PCDH15: variants seen among roughly 807,000 people sequenced by gnomAD.
PCDH15 encodes protocadherin-15.
Under a neutral mutation model 178.5 loss-of-function variants are expected in PCDH15, and 129 were observed. That is an observed-to-expected ratio of 0.72 (90% confidence interval 0.63 to 0.84). PCDH15 has a LOEUF of 0.84. Among genes scored for constraint, PCDH15 ranks in the 40% least tolerant of loss-of-function variants. PCDH15 has a pLI of 0.00. For missense variants in PCDH15, 2,230 were observed against 2,099.9 expected (o/e 1.06, Z -1.21); for synonymous variants, 800 against 732.0 (o/e 1.09, Z -1.50).
intron 2 of PCDH15, among the ~76,000 whole-genome samples, chr10:55,543,282 G>T (rs1014128594): frequency 2.7e-5 from 4 of 148,840 alleles, no homozygotes; most frequent in Non-Finnish European, 6.0e-5. Flanking sequence ...ACAAATTCAT[G>T]CTTAGTAAAT....
intron 2 of PCDH15, among the ~76,000 whole-genome samples, chr10:55,602,072 C>T (rs1034530832): frequency 1.3e-5 from 2 of 152,070 alleles, no homozygotes; most frequent in Non-Finnish European, 2.9e-5. Context: ...TTGCCTCACT[C>T]GGGAGGCGCA....
intron 26 of PCDH15, among the ~76,000 whole-genome samples, chr10:53,896,796 G>T (rs1029365702): frequency 6.6e-5 from 10 of 152,056 alleles, no homozygotes. Flanking sequence ...AGGGTTCCAG[G>T]TTGCACAAAC....
chr10:54,355,205 G>A (rs1366418064), intron 5 of PCDH15, among the ~76,000 whole-genome samples: 1 of 145,530 alleles, frequency 6.9e-6, no homozygotes, highest in African/African-American at 2.5e-5. Flanking sequence ...CTCAATACAA[G>A]TTTATATCAT....
chr10:55,529,164 C>T (rs923533911), intron 2 of PCDH15, among the ~76,000 whole-genome samples: 3 of 151,934 alleles, frequency 2.0e-5, no homozygotes, highest in Middle Eastern at 3.2e-3. Context: ...AAATTTTCTC[C>T]CATTCTGTAG....
At chr10:54,791,215 A>G (rs1951378190) in intron 1 of PCDH15, among the ~76,000 whole-genome samples, 2 of 151,898 alleles carry the variant, frequency 1.3e-5, no homozygotes, top group South Asian at 2.1e-4. Context: ...AAGAAATATG[A>G]GGTAGTACTC....
intron 13 of PCDH15, among the ~76,000 whole-genome samples, chr10:54,156,181 GATGATGTTTTAT>G (rs1456413015): frequency 1.3e-5 from 2 of 151,894 alleles, no homozygotes; most frequent in Non-Finnish European, 2.9e-5. Flanking sequence ...ATTTCTTTTC[GATGATGTTTTAT>G]AGTTCTATTC....
At chr10:54,649,844 T>C (rs2094214771) in intron 2 of PCDH15, among the ~76,000 whole-genome samples, 1 of 152,140 alleles carries the variant, frequency 6.6e-6, no homozygotes, top group African/African-American at 2.4e-5. Flanking sequence ...TAAATCAAAC[T>C]CTCATTACCT....
intron 1 of PCDH15, among the ~76,000 whole-genome samples, chr10:54,676,650 C>T (rs1021788655): frequency 2.0e-5 from 3 of 152,158 alleles, no homozygotes; most frequent in African/African-American, 7.2e-5. Context: ...ACACTTTCCC[C>T]TTAGAATTAC....
Position 53,944,919 on chromosome 10 carries a change from T to C in PCDH15, c.3123-3944A>G, listed in dbSNP as rs867908475. On this transcript the variant is annotated intron_variant, in intron 23 of 37. Coordinates refer to ENST00000644397, the MANE Select transcript of PCDH15 (RefSeq NM_001384140.1). ...TGGGTTTGATGTCCTTGCATATCCA[T>C]GATGGCAGTGTTGGTTCCTATTTAC... is the stretch of plus-strand genomic sequence containing the variant. 2.0e-5 allele frequency among the ~76,000 whole-genome samples: 3 copies of C among 152,356 alleles called. 1 individual carries two copies. Among genetic ancestry groups the C allele is most frequent in the Middle Eastern group, 6.8e-3 (2 of 294 alleles).
chr10:54,369,464 A>G (rs1947321389), intron 4 of PCDH15, among the ~76,000 whole-genome samples, 189 bp from the exon 5 acceptor site: 1 of 152,010 alleles, frequency 6.6e-6, no homozygotes. Flanking sequence ...TTAATTTTGT[A>G]TCTCAGCGTG....
chr10:53,818,907 G>C (rs1315913444), intron 33 of PCDH15, among the ~76,000 whole-genome samples: 3 of 151,814 alleles, frequency 2.0e-5, no homozygotes, highest in African/African-American at 7.3e-5. Context: ...AAAATGTTGA[G>C]GCCTTCACAA....
At position 54,153,383 on chromosome 10, in the gene PCDH15, C is replaced by A. The variant is rs1045647265; in HGVS notation, c.1591-90G>T. The A allele has an allele frequency of 4.9e-6, 7 of 1,429,230 alleles. No homozygotes were observed. The African/African-American group carries it at 1.0e-4, about 20-fold the overall frequency. 88.5% of individuals were successfully genotyped at this position (1,429,230 alleles called of 1,614,324 possible). A position where few individuals can be genotyped will look rare whatever the true frequency, so the allele number is the denominator to read the frequency against. ...TCCCCCAACAAAAGAAGCTTGCTTT[C>A]AAAGAAAAAAACACAGGAAAGTTTC... On this transcript the variant is annotated intron_variant, in intron 13 of 37. Transcript: ENST00000644397.
chr10:55,443,736 A>G (rs535096272), intron 2 of PCDH15, among the ~76,000 whole-genome samples: 138 of 152,272 alleles, frequency 9.1e-4, no homozygotes, highest in Non-Finnish European at 1.7e-3. Flanking sequence ...TGATTCCTCA[A>G]GGATCTAGAA....
rs1047142825 is a variant in PCDH15, at chr10:55,056,857, C to G, written c.-80+109719G>C. ...CCGTATTGCACAGGCTGGTCTCAAACTCCTGACCTCAGGCAGTCCACCCGC... is the reference window on the plus strand; with the variant it reads ...CCGTATTGCACAGGCTGGTCTCAAAGTCCTGACCTCAGGCAGTCCACCCGC... On this transcript the variant is annotated intron_variant, in intron 2 of 5. Coordinates refer to the PCDH15 transcript ENST00000458638. Among the ~76,000 whole-genome samples the G allele has an allele frequency of 7.9e-5, 12 of 152,020 alleles. No individual in the cohort carries two copies. In the South Asian group the frequency reaches 2.3e-3, roughly 29 times the overall value.
chr10:54,742,746 C>T (rs1274325624), intron 1 of PCDH15, among the ~76,000 whole-genome samples: 1 of 152,010 alleles, frequency 6.6e-6, no homozygotes, highest in African/African-American at 2.4e-5. Context: ...CCCAAGGGTA[C>T]TTTCCTAATG....
chr10:54,780,517 T>C (rs1950254351), intron 1 of PCDH15, among the ~76,000 whole-genome samples: 2 of 152,050 alleles, frequency 1.3e-5, no homozygotes, highest in Non-Finnish European at 2.9e-5. Context: ...TATTTTTCAC[T>C]AAAATCTATG....
intron 2 of PCDH15, among the ~76,000 whole-genome samples, chr10:55,540,422 T>A (rs1486103647): frequency 1.3e-5 from 2 of 151,884 alleles, no homozygotes; most frequent in South Asian, 2.1e-4. Context: ...AGAGAGGAGA[T>A]CCTAGGGTTG....
intron 26 of PCDH15, among the ~76,000 whole-genome samples, chr10:53,888,899 T>A (rs1265766404): frequency 6.6e-6 from 1 of 150,380 alleles, no homozygotes; most frequent in East Asian, 2.0e-4. Context: ...GAATAAAGTA[T>A]TCAGAAATAA....
At chr10:53,818,105 C>G in intron 33 of PCDH15, 92 bp from the exon 34 acceptor site, 5 of 394,978 alleles carry the variant, frequency 1.3e-5, no homozygotes, top group Non-Finnish European at 1.8e-5. Flanking sequence ...TAAAAAATGT[C>G]TGAGTAAAAC....
Sources: gnomAD v4.1 joint callset for allele counts (sites outside exome capture counted in the v4.1 genomes callset) on GRCh38, gnomAD v4.1.1 for gene constraint, MANE v1.5 for transcripts, NCBI Gene and HGNC (gene_info 2026-07-23, HGNC 2026-07-21) for gene names.